The following WDFY4 variants were observed in gnomAD, a reference collection of about 807,000 sequenced individuals.
WDFY4 encodes WDFY family member 4, also known as WD repeat- and FYVE domain-containing protein 4.
A neutral mutation model predicts 351.9 loss-of-function variants in WDFY4; 169 were observed. The ratio of observed to expected loss-of-function variants is 0.48; its 90% confidence interval spans 0.42 to 0.55. The LOEUF is 0.55. Among genes scored for constraint, WDFY4 ranks in the 20% least tolerant of loss-of-function variants. The probability of loss-of-function intolerance (pLI) is 0.00; values close to 1 mark genes in which losing one functional copy is unlikely to be tolerated. For synonymous variants in WDFY4, 1,622 were observed against 1,574.6 expected, an observed-to-expected ratio of 1.03 and a Z score of -0.71; for missense variants, 3,803 against 3,935.6, an observed-to-expected ratio of 0.97 and a Z score of 0.90.
At chr10:48,783,311 A>T (rs966324011) in intron 19 of WDFY4, among the ~76,000 whole-genome samples, 3 of 152,176 alleles carry the variant, frequency 2.0e-5, no homozygotes, top group African/African-American at 7.2e-5. Context: ...AATGCTACAT[A>T]AATAGTTGTC....
At chr10:48,820,934 A>G in intron 33 of WDFY4, 128 bp from the exon 34 acceptor site, 1 of 668,552 alleles carries the variant, frequency 1.5e-6, no homozygotes, top group Non-Finnish European at 2.6e-6. Context: ...AGAGAAGGGA[A>G]AATTGTGAGC....
chr10:48,884,213 T>C (rs994492453), intron 43 of WDFY4: 6 of 152,220 alleles, frequency 3.9e-5, no homozygotes, highest in African/African-American at 1.4e-4. Context: ...TTCCTCTGGA[T>C]TGCAGAGAGT....
intron 46 of WDFY4, among the ~76,000 whole-genome samples, chr10:48,901,334 T>C (rs1837342456): frequency 1.3e-5 from 2 of 152,246 alleles, no homozygotes. Flanking sequence ...TTTCTGTTCA[T>C]TAAACAAAGT....
chr10:48,982,483 TC>T (rs1393906457), intron 61 of WDFY4, 25 bp from the exon 62 acceptor site: 24 of 1,486,688 alleles, frequency 1.6e-5, no homozygotes, highest in Non-Finnish European at 1.8e-5. Context: ...CCTCTAACGT[TC>T]TTGTCTTTTC....
chr10:48,773,457 G>T (rs1486991445), intron 13 of WDFY4, among the ~76,000 whole-genome samples: 3 of 152,190 alleles, frequency 2.0e-5, no homozygotes, highest in Admixed American at 2.0e-4. Flanking sequence ...TATCCAGCCT[G>T]GGAAGGATAA....
intron 55 of WDFY4, chr10:48,967,586 G>C (rs892452724): frequency 6.6e-6 from 1 of 151,900 alleles, no homozygotes; most frequent in Non-Finnish European, 1.5e-5. Context: ...CCAAGGCTCA[G>C]AGAGGCTCTA....
At position 48,969,257 on chromosome 10, in the gene WDFY4, G is replaced by T. The variant is rs948801723; in HGVS notation, c.8769+9G>T. The stretch of plus-strand genomic sequence containing the variant: ...GCTACGGCTCCGACAAGGTGAGGGG[G>T]CTGCAGGGAGCAGGGGCAGCCTCAG... On this transcript the variant is annotated intron_variant, in intron 56 of 61. Coordinates refer to ENST00000325239, the MANE Select transcript of WDFY4 (RefSeq NM_001394531.1). 1.9e-6 allele frequency: 3 copies of T among 1,550,772 alleles called. No individual in the cohort carries two copies. The highest frequency in any genetic ancestry group is 2.6e-6 in the Non-Finnish European group (3 of 1,146,884).
intron 43 of WDFY4, among the ~76,000 whole-genome samples, chr10:48,881,393 C>T (rs1352675587): frequency 1.3e-5 from 2 of 152,102 alleles, no homozygotes; most frequent in African/African-American, 2.4e-5. Context: ...TGGGGGTCTC[C>T]ATGGGTCTGG....
At chr10:48,977,684 T>G (rs1362727511) in intron 59 of WDFY4, among the ~76,000 whole-genome samples, 1 of 152,174 alleles carries the variant, frequency 6.6e-6, no homozygotes, top group Admixed American at 6.5e-5. Context: ...CCCCAAAGCG[T>G]AAGTGAGGGT....
In WDFY4 at chr10:48,774,485, G is replaced by A; in HGVS notation, c.2581G>A (p.Ala861Thr). The A allele has an allele frequency of 1.3e-6, 2 of 1,551,738 alleles. No homozygotes were observed. Among genetic ancestry groups the A allele is most frequent in the Non-Finnish European group, 1.7e-6 (2 of 1,147,004 alleles). The stretch of plus-strand genomic sequence containing the variant: ...TTCCGAGGAGATCCAGTGCTCCCTG[G>A]CCAGTCATATCCAGTCCCTGGTGAA... ...QLSEEIQCSL[A>T]SHIQSLVKSE... The change falls in exon 14 of 62, where the codon GCC (alanine) becomes ACC (threonine). Residue 861 changes from alanine to threonine, a missense_variant. Transcript: ENST00000325239.
At chr10:48,775,682 T>C (rs1390168356) in intron 14 of WDFY4, 30 bp from the exon 15 acceptor site, 1 of 1,539,916 alleles carries the variant, frequency 6.5e-7, no homozygotes, top group East Asian at 2.4e-5. Context: ...TAAAATGTCT[T>C]CATTTTTTCC....
At position 48,867,299 on chromosome 10, in the gene WDFY4, G is replaced by T; in HGVS notation, c.6698G>T (p.Arg2233Ile). 2.7e-6 allele frequency: 4 copies of T among 1,496,270 alleles called. No individual in the cohort carries two copies. The highest frequency in any genetic ancestry group is 3.6e-6 in the Non-Finnish European group (4 of 1,118,024). The allele number at this position is 1,496,270 out of a possible 1,614,324, so 92.7% of individuals were successfully genotyped here. A position where few individuals can be genotyped will look rare whatever the true frequency, so the allele number is the denominator to read the frequency against. Residue 2233 changes from arginine (R) to isoleucine (I), a missense_variant, in exon 40 of 62, where the codon AGA becomes ATA. Around this residue, in one of 3 missense-constraint regions of WDFY4, gnomAD observed 3,054 missense variants for 3,148.6 expected, o/e 0.97. Coordinates refer to ENST00000325239, the MANE Select transcript of WDFY4 (RefSeq NM_001394531.1). Reference protein sequence around the residue: ...FVSCIENYRRRGQELYASLYK... With the variant: ...FVSCIENYRRIGQELYASLYK... ...TCATGTATAGAGAACTACAGAAGAA[G>T]AGGACAAGAGCTATATGCATCTTTA...
intron 39 of WDFY4, among the ~76,000 whole-genome samples, chr10:48,840,792 T>C (rs1341310111): frequency 6.6e-6 from 1 of 152,016 alleles, no homozygotes; most frequent in Non-Finnish European, 1.5e-5. Context: ...TTTTAAGGAG[T>C]CTTAAGTGTC....
chr10:48,809,692 C>T (rs111318849), intron 28 of WDFY4, among the ~76,000 whole-genome samples: 3 of 152,202 alleles, frequency 2.0e-5, no homozygotes, highest in South Asian at 4.1e-4. Flanking sequence ...TCATCACCAT[C>T]ATTATCAACA....
chr10:48,924,847 A>G (rs1189497550), intron 47 of WDFY4, among the ~76,000 whole-genome samples: 2 of 152,228 alleles, frequency 1.3e-5, no homozygotes, highest in African/African-American at 2.4e-5. Context: ...CTGGTGCTTC[A>G]CACTCATGTA....
chr10:48,938,577 G>C (rs1840551289), intron 47 of WDFY4, among the ~76,000 whole-genome samples: 1 of 152,212 alleles, frequency 6.6e-6, no homozygotes, highest in Non-Finnish European at 1.5e-5. Context: ...TGGAGGTGCT[G>C]TTTGGGTGGA....
At chr10:48,964,169 A>G in intron 54 of WDFY4, 115 bp downstream of exon 54, 1 of 1,162,140 alleles carries the variant, frequency 8.6e-7, no homozygotes, top group Admixed American at 2.1e-5. Context: ...ATGGTCCCCC[A>G]TCATCTTCCT....
At chr10:48,799,923 G>A (rs1434561642) in intron 24 of WDFY4, among the ~76,000 whole-genome samples, 1 of 152,056 alleles carries the variant, frequency 6.6e-6, no homozygotes, top group Non-Finnish European at 1.5e-5. Flanking sequence ...GTCTCACTCT[G>A]TTGCCAGACC....
In WDFY4 at chr10:48,877,108, C is replaced by T; in HGVS notation, c.7076C>T (p.Pro2359Leu). Residue 2359 changes from proline to leucine, a missense_variant, in exon 43 of 62, where the codon CCA becomes CTA. By Grantham distance (98) the Pro-to-Leu change is moderately conservative. Around this residue, in one of 3 missense-constraint regions of WDFY4, gnomAD observed 3,054 missense variants for 3,148.6 expected, o/e 0.97. Transcript: ENST00000325239. ...GVDCTQLTFF[P>L]ALHESLHSED... ...GACTGCACCCAGCTGACCTTCTTCC[C>T]AGCCTTACACGAAAGTCTGCACTCA... The T allele has an allele frequency of 6.5e-7, 1 of 1,548,922 alleles. No homozygotes were observed. Among genetic ancestry groups the T allele is most frequent in the South Asian group, 1.2e-5 (1 of 83,448 alleles).
Sources: allele counts gnomAD v4.1 joint callset (sites outside exome capture counted in the v4.1 genomes callset), GRCh38; gene constraint gnomAD v4.1.1; regional missense constraint gnomAD v4.1.1; transcripts MANE v1.5; gene names NCBI Gene and HGNC (gene_info 2026-07-23, HGNC 2026-07-21).